ZFPM2: variants seen among roughly 807,000 people sequenced by gnomAD.
The protein encoded by ZFPM2 is zinc finger protein ZFPM2.
ZFPM2 carries 20 observed loss-of-function variants against 98.6 expected under a neutral mutation model. The ratio of observed to expected loss-of-function variants is 0.20; its 90% CI spans 0.14 to 0.29. ZFPM2 has a LOEUF of 0.29. Ranked by LOEUF, ZFPM2 falls within the 10% of genes least tolerant of loss-of-function variation. The pLI is 1.00. For missense variants in ZFPM2, 1,310 were observed against 1,388.6 expected (o/e 0.94, Z 0.90); for synonymous variants, 518 against 502.7 (o/e 1.03, Z -0.41).
chr8:105,498,032 A>G (rs1280198500), intron 3 of ZFPM2, among the ~76,000 whole-genome samples: 4 of 138,314 alleles, frequency 2.9e-5, no homozygotes, highest in Admixed American at 7.1e-5. Flanking sequence ...TCTACCAAAA[A>G]AAAAAAAAAA....
chr8:105,539,105 T>A (rs1210554720), intron 3 of ZFPM2, among the ~76,000 whole-genome samples: 1 of 152,162 alleles, frequency 6.6e-6, no homozygotes, highest in Non-Finnish European at 1.5e-5. Context: ...CTCTTGCCCC[T>A]TTTGTTTCAG....
At position 105,738,875 on chromosome 8, in the gene ZFPM2, G is replaced by T. The variant is rs528008132; in HGVS notation, c.533-49843G>T. ...TTTGATTTAAATAAAAAGTAAACTA[G>T]ATGCTAAAAAAGGTCATGTATTTTA... is the stretch of plus-strand genomic sequence containing the variant. On this transcript the variant is annotated intron_variant, in intron 5 of 7. Coordinates refer to ENST00000407775, the MANE Select transcript of ZFPM2 (RefSeq NM_012082.4). 1.0e-3 allele frequency among the ~76,000 whole-genome samples: 157 copies of T among 151,944 alleles called. 1 individual carries two copies. The highest frequency in any genetic ancestry group is 3.7e-3 in the African/African-American group (153 of 41,468).
intron 6 of ZFPM2, among the ~76,000 whole-genome samples, chr8:105,792,236 A>T (rs1432879276): frequency 7.2e-5 from 11 of 152,004 alleles, no homozygotes; most frequent in Admixed American, 7.2e-4. Flanking sequence ...TAGTGCTGTA[A>T]ATTTCCCTCT....
At position 105,789,929 on chromosome 8, in the gene ZFPM2, GTTGT is replaced by G. The variant is rs1450182283; in HGVS notation, c.739+1012_739+1015del. 2.7e-3 allele frequency among the ~76,000 whole-genome samples: 405 copies of G among 151,054 alleles called. 1 individual carries two copies. Among genetic ancestry groups the G allele is most frequent in the Admixed American group, 4.9e-3 (75 of 15,170 alleles). The stretch of plus-strand genomic sequence containing the variant: ...TGTCCTTCGCCCACTTTTTGATGGG[GTTGT>G]TTGTTTTTTTCTTGTAAATTTGTTG... On this transcript the variant is annotated intron_variant, in intron 6 of 7. Coordinates refer to ENST00000407775, the MANE Select transcript of ZFPM2 (RefSeq NM_012082.4).
intron 1 of ZFPM2, among the ~76,000 whole-genome samples, chr8:105,339,406 G>C (rs2129654602): frequency 6.6e-6 from 1 of 151,976 alleles, no homozygotes; most frequent in African/African-American, 2.4e-5. Context: ...CATTCCAATA[G>C]CAGCCAAAAT....
At chr8:105,506,467 G>T (rs986591186) in intron 3 of ZFPM2, among the ~76,000 whole-genome samples, 2 of 152,038 alleles carry the variant, frequency 1.3e-5, no homozygotes, top group African/African-American at 4.8e-5. Flanking sequence ...AAATTACTTT[G>T]TATTTGAAAC....
rs369275071 is a variant in ZFPM2 at position 105,442,303 on chromosome 8, C to A, written c.200-1977C>A. Among the ~76,000 whole-genome samples, 13 of 152,220 alleles carry A rather than the reference C, an allele frequency of 8.5e-5. No individual in the cohort carries two copies. The East Asian group carries it at 1.6e-3, about 18-fold the overall frequency. ...AGCTTGCAGTGAGCCGAGATCGCGCCACTGCACTCCAGCCTGGGTGACAGA... is the reference window on the plus strand; with the variant it reads ...AGCTTGCAGTGAGCCGAGATCGCGCAACTGCACTCCAGCCTGGGTGACAGA... On this transcript the variant is annotated intron_variant, in intron 2 of 7. Transcript: ENST00000407775.
intron 5 of ZFPM2, among the ~76,000 whole-genome samples, chr8:105,704,058 G>A (rs1293291209): frequency 6.6e-6 from 1 of 151,964 alleles, no homozygotes; most frequent in Non-Finnish European, 1.5e-5. Context: ...AACCACATAA[G>A]CCCCTTGCCC....
intron 6 of ZFPM2, among the ~76,000 whole-genome samples, chr8:105,789,784 G>A (rs1307657625): frequency 6.6e-6 from 1 of 152,156 alleles, no homozygotes; most frequent in Non-Finnish European, 1.5e-5. Context: ...ATTCTAACTG[G>A]GGTGAGATGA....
intron 4 of ZFPM2, among the ~76,000 whole-genome samples, chr8:105,623,369 T>C (rs1020586336): frequency 1.3e-5 from 2 of 152,220 alleles, no homozygotes; most frequent in Admixed American, 6.6e-5. Context: ...TCAAATATTG[T>C]AATAACAGGT....
intron 4 of ZFPM2, among the ~76,000 whole-genome samples, chr8:105,562,979 A>G (rs959082748): frequency 6.6e-6 from 1 of 152,224 alleles, no homozygotes; most frequent in Admixed American, 6.5e-5. Context: ...AGGTGATGAA[A>G]TTTGGGAAGA....
rs374581095 is a variant in ZFPM2 at position 105,801,337 on chromosome 8, G to C, written c.1255G>C (p.Glu419Gln). 39 of 1,613,742 alleles carry C rather than the reference G, an allele frequency of 2.4e-5. No homozygotes were observed. Among genetic ancestry groups the C allele is most frequent in the Non-Finnish European group, 2.8e-5 (33 of 1,179,892 alleles). ...QPATDLLTRS[E>Q]LPQSQKAMQT... ...AGCCACAGACTTATTGACCAGAAGCGAACTTCCCCAGAGCCAAAAGGCCAT... is the reference window on the plus strand; with the variant it reads ...AGCCACAGACTTATTGACCAGAAGCCAACTTCCCCAGAGCCAAAAGGCCAT... The change falls in exon 8 of 8, where the codon GAA (glutamate) becomes CAA (glutamine). Residue 419 changes from glutamate to glutamine, a missense_variant. Physicochemically the swap from Glu to Gln is conservative, Grantham distance 29. Coordinates refer to ENST00000407775, the MANE Select transcript of ZFPM2 (RefSeq NM_012082.4).
At chr8:105,766,301 C>G (rs1436331429) in intron 5 of ZFPM2, among the ~76,000 whole-genome samples, 1 of 151,858 alleles carries the variant, frequency 6.6e-6, no homozygotes, top group African/African-American at 2.4e-5. Flanking sequence ...TTTGCTTGTA[C>G]CTATAATTAC....
At chr8:105,460,912 TCAA>T (rs1812693327) in intron 3 of ZFPM2, among the ~76,000 whole-genome samples, 1 of 152,048 alleles carries the variant, frequency 6.6e-6, no homozygotes, top group Non-Finnish European at 1.5e-5. Context: ...TAAAAAGCAC[TCAA>T]CTACATATAA....
chr8:105,689,825 G>C (rs1467010506), intron 5 of ZFPM2, among the ~76,000 whole-genome samples: 2 of 152,190 alleles, frequency 1.3e-5, no homozygotes, highest in Non-Finnish European at 2.9e-5. Context: ...GGTGTTGAGA[G>C]ACTTATTTTC....
At chr8:105,588,761 T>A (rs1049867593) in intron 4 of ZFPM2, among the ~76,000 whole-genome samples, 23 of 152,220 alleles carry the variant, frequency 1.5e-4, no homozygotes, top group Non-Finnish European at 1.5e-5. Flanking sequence ...TGTCAAAGAT[T>A]AACCACACTG....
chr8:105,610,445 TCTTTAC>T (rs767848322), intron 4 of ZFPM2, among the ~76,000 whole-genome samples: 4 of 152,130 alleles, frequency 2.6e-5, no homozygotes, highest in African/African-American at 9.7e-5. Context: ...AAGGTCAACA[TCTTTAC>T]CTTTAACTTT....
chr8:105,324,704 C>T (rs181320147), intron 1 of ZFPM2, among the ~76,000 whole-genome samples: 55 of 151,948 alleles, frequency 3.6e-4, no homozygotes, highest in Middle Eastern at 3.4e-3. Context: ...TATAACTTTT[C>T]CTCAAAAGGT....
intron 5 of ZFPM2, among the ~76,000 whole-genome samples, chr8:105,643,552 G>A (rs558880524): frequency 2.6e-5 from 4 of 151,966 alleles, no homozygotes; most frequent in Non-Finnish European, 5.9e-5. Context: ...ATAGTGTCTG[G>A]TCCACAATGA....
Sources: gnomAD v4.1 joint callset for allele counts (sites outside exome capture counted in the v4.1 genomes callset) on GRCh38, gnomAD v4.1.1 for gene constraint, MANE v1.5 for transcripts, NCBI Gene and HGNC (gene_info 2026-07-23, HGNC 2026-07-21) for gene names.